Variants in ANTXR1 observed in about 807,000 individuals in gnomAD.
The protein encoded by ANTXR1 is ANTXR cell adhesion molecule 1.
A neutral mutation model predicts 78.1 loss-of-function variants in ANTXR1; 19 were observed. The observed-to-expected ratio is 0.24, with a 90% CI of 0.17 to 0.36. The LOEUF (loss-of-function observed/expected upper bound fraction) is 0.36. Ranked by LOEUF, ANTXR1 falls within the 10% of genes least tolerant of loss-of-function variation. The pLI, the probability that ANTXR1 is intolerant of heterozygous loss-of-function variation, is 1.00. For missense variants in ANTXR1, 518 were observed against 718.6 expected (o/e 0.72, Z 3.19); for synonymous variants, 273 against 260.5 (o/e 1.05, Z -0.46).
At chr2:69,130,144 A>G (rs924397075) in intron 12 of ANTXR1, among the ~76,000 whole-genome samples, 2 of 152,178 alleles carry the variant, frequency 1.3e-5, no homozygotes, top group African/African-American at 4.8e-5. Flanking sequence ...TTGAACACCC[A>G]AGATGTGGCA....
chr2:69,232,713 G>A (rs897436606), intron 17 of ANTXR1, among the ~76,000 whole-genome samples: 1 of 152,172 alleles, frequency 6.6e-6, no homozygotes, highest in East Asian at 1.9e-4. Context: ...TAAGAATTAG[G>A]TAAAACTTAG....
chr2:69,227,654 C>T (rs1675489217), intron 17 of ANTXR1, among the ~76,000 whole-genome samples: 5 of 152,186 alleles, frequency 3.3e-5, no homozygotes. Flanking sequence ...CATGGCAGCT[C>T]CATGCTGTCA....
intron 16 of ANTXR1, among the ~76,000 whole-genome samples, chr2:69,187,060 G>T (rs968061845): frequency 1.3e-5 from 2 of 152,218 alleles, no homozygotes; most frequent in African/African-American, 4.8e-5. Flanking sequence ...TGTACTTACT[G>T]AATTGCATTG....
At chr2:69,211,519 T>C (rs1316024369) in intron 17 of ANTXR1, among the ~76,000 whole-genome samples, 2 of 152,260 alleles carry the variant, frequency 1.3e-5, no homozygotes, top group Admixed American at 6.5e-5. Flanking sequence ...AGGTGTGTTT[T>C]GTGGAATAAT....
chr2:69,241,798 G>A (rs563011220), intron 17 of ANTXR1, among the ~76,000 whole-genome samples: 4 of 152,198 alleles, frequency 2.6e-5, no homozygotes, highest in Admixed American at 6.5e-5. Flanking sequence ...TTGTGTCTGC[G>A]CATCCCCACC....
chr2:69,123,591 T>C (rs1367124652), intron 11 of ANTXR1, among the ~76,000 whole-genome samples: 1 of 152,214 alleles, frequency 6.6e-6, no homozygotes, highest in Non-Finnish European at 1.5e-5. Flanking sequence ...CGCCTTCTGA[T>C]GTCCCACACG....
chr2:69,050,322 A>C (rs1669894047), intron 3 of ANTXR1, among the ~76,000 whole-genome samples: 1 of 151,498 alleles, frequency 6.6e-6, no homozygotes. Context: ...ATAAATAAAT[A>C]AAAGATTTTC....
intron 3 of ANTXR1, among the ~76,000 whole-genome samples, chr2:69,054,185 C>T (rs1309224151): frequency 2.0e-5 from 3 of 151,826 alleles, no homozygotes; most frequent in Admixed American, 2.0e-4. Flanking sequence ...TGGGGATTAT[C>T]GAGGTGGAGA....
chr2:69,055,040 G>A (rs1670030484), intron 3 of ANTXR1, among the ~76,000 whole-genome samples: 1 of 152,176 alleles, frequency 6.6e-6, no homozygotes, highest in Non-Finnish European at 1.5e-5. Context: ...CCACTTCACA[G>A]AACTGTTGGA....
chr2:69,199,694 G>A (rs1674731327), intron 17 of ANTXR1, among the ~76,000 whole-genome samples: 1 of 152,088 alleles, frequency 6.6e-6, no homozygotes, highest in Non-Finnish European at 1.5e-5. Context: ...TCTGTGATGA[G>A]GTCTGGGCAC....
chr2:69,152,950 A>G lies in ANTXR1; in HGVS notation c.1047+686A>G, dbSNP rs550184121. Among the ~76,000 whole-genome samples, 12 of 152,300 alleles carry G rather than the reference A, an allele frequency of 7.9e-5. No individual in the cohort carries two copies. The South Asian group carries it at 1.0e-3, about 13-fold the overall frequency. On this transcript the variant is annotated intron_variant, in intron 13 of 17. Transcript: ENST00000303714. ...ACCCTGACGATAATCCCAAATGGTA[A>G]ATGTCTGGCTGTCAATTTCTGTTCC...
chr2:69,124,990 G>A (rs1156704625), intron 12 of ANTXR1, among the ~76,000 whole-genome samples: 1 of 152,134 alleles, frequency 6.6e-6, no homozygotes, highest in African/African-American at 2.4e-5. Flanking sequence ...TGGACGGAAG[G>A]GAATTGGACA....
At chr2:69,183,549 G>GCAC (rs1254070210) in intron 16 of ANTXR1, among the ~76,000 whole-genome samples, 1 of 146,344 alleles carries the variant, frequency 6.8e-6, no homozygotes, top group East Asian at 2.0e-4. Context: ...CTACGGGCAC[G>GCAC]CACCACCACA....
intron 12 of ANTXR1, among the ~76,000 whole-genome samples, chr2:69,134,028 C>T (rs1672836828): frequency 1.3e-5 from 2 of 152,132 alleles, no homozygotes; most frequent in African/African-American, 4.8e-5. Flanking sequence ...GTTGTGGTCT[C>T]TATATGAATT....
intron 1 of ANTXR1, among the ~76,000 whole-genome samples, chr2:69,021,223 C>T (rs1032187855): frequency 5.3e-5 from 8 of 152,110 alleles, no homozygotes; most frequent in East Asian, 1.9e-4. Context: ...GTGAGGAGAC[C>T]GAGGTTTAGA....
intron 3 of ANTXR1, among the ~76,000 whole-genome samples, chr2:69,055,593 C>G (rs1330578934): frequency 1.3e-5 from 2 of 152,102 alleles, no homozygotes; most frequent in Non-Finnish European, 2.9e-5. Flanking sequence ...TGAGGCCTCA[C>G]GGTATAGTAT....
chr2:69,174,993 A>C (rs929344639), intron 14 of ANTXR1, among the ~76,000 whole-genome samples: 2 of 152,208 alleles, frequency 1.3e-5, no homozygotes, highest in Non-Finnish European at 2.9e-5. Context: ...TTGTACCTGA[A>C]AAAGAAGCAT....
rs143094231 is a variant in ANTXR1 at position 69,134,444 on chromosome 2, G to A, written c.951+9801G>A. On this transcript the variant is annotated intron_variant, in intron 12 of 17. Transcript: ENST00000303714. ...TTTAAAAAGGCCTTTTTAATTAGCT[G>A]CATTGGGTGGGAATGAGCTCGCTAT... 4.1e-4 allele frequency among the ~76,000 whole-genome samples: 63 copies of A among 152,256 alleles called. 1 individual carries two copies. In the East Asian group the frequency reaches 0.011, roughly 26 times the overall value.
At chr2:69,140,240 A>G (rs1413978683) in intron 12 of ANTXR1, among the ~76,000 whole-genome samples, 1 of 152,208 alleles carries the variant, frequency 6.6e-6, no homozygotes, top group African/African-American at 2.4e-5. Context: ...CCTTAACTGC[A>G]TATTAATGAT....
Sources: gnomAD v4.1 joint callset for allele counts (sites outside exome capture counted in the v4.1 genomes callset) on GRCh38, gnomAD v4.1.1 for gene constraint, MANE v1.5 for transcripts, NCBI Gene and HGNC (gene_info 2026-07-23, HGNC 2026-07-21) for gene names.